PXT1: variants seen among roughly 807,000 people sequenced by gnomAD.
The protein encoded by PXT1 is peroxisomal testis enriched protein 1, also known as peroxisomal testis-specific protein 1.
PXT1 carries 11 observed loss-of-function variants against 11.0 expected under a neutral mutation model. The observed-to-expected ratio is 1.00, with a 90% CI of 0.63 to 1.66. PXT1 has a LOEUF of 1.66. PXT1 is among the 40% of genes most tolerant of loss of function. PXT1 has a pLI of 0.00. For synonymous variants in PXT1, 43 were observed against 51.4 expected (o/e 0.84, Z 0.70); for missense variants, 141 against 155.5 (o/e 0.91, Z 0.49).
At chr6:36,409,788 T>C (rs1053649388) in intron 3 of PXT1, among the ~76,000 whole-genome samples, 1 of 145,628 alleles carries the variant, frequency 6.9e-6, no homozygotes, top group Non-Finnish European at 1.5e-5. Flanking sequence ...ATTGTTCCAC[T>C]GTACTCCAGC....
chr6:36,418,206 A>AG (rs1406973880), intron 3 of PXT1, among the ~76,000 whole-genome samples: 1 of 152,192 alleles, frequency 6.6e-6, no homozygotes, highest in Non-Finnish European at 1.5e-5. Context: ...AAAAAAAAAA[A>AG]AAAGTAAATT....
intron 3 of PXT1, among the ~76,000 whole-genome samples, chr6:36,412,794 C>T (rs1319527781): frequency 2.0e-5 from 3 of 151,216 alleles, no homozygotes; most frequent in Non-Finnish European, 4.4e-5. Flanking sequence ...ATATTACATT[C>T]ATAAAACAAA....
intron 3 of PXT1, among the ~76,000 whole-genome samples, chr6:36,408,443 G>A (rs1774320644): frequency 6.7e-6 from 1 of 150,364 alleles, no homozygotes; most frequent in South Asian, 2.1e-4. Context: ...TTTATTTTTT[G>A]TAGAGACAGT....
intron 4 of PXT1, among the ~76,000 whole-genome samples, chr6:36,394,880 C>T (rs184436008): frequency 1.2e-4 from 19 of 152,160 alleles, no homozygotes; most frequent in South Asian, 2.1e-4. Flanking sequence ...TAGCTCACTA[C>T]GGCCTCGAAT....
intron 3 of PXT1, among the ~76,000 whole-genome samples, chr6:36,421,763 C>T (rs1275361915): frequency 1.3e-5 from 2 of 152,196 alleles, no homozygotes; most frequent in Non-Finnish European, 2.9e-5. Flanking sequence ...AGCCGCTGCA[C>T]TAGCTTAGTT....
At chr6:36,401,482 G>T (rs1479514281) in intron 3 of PXT1, among the ~76,000 whole-genome samples, 1 of 151,936 alleles carries the variant, frequency 6.6e-6, no homozygotes, top group Non-Finnish European at 1.5e-5. Context: ...AAGTGTGGTG[G>T]CTCACACCTG....
chr6:36,412,085 C>T (rs1774383237), intron 3 of PXT1, among the ~76,000 whole-genome samples: 1 of 152,172 alleles, frequency 6.6e-6, no homozygotes, highest in Non-Finnish European at 1.5e-5. Context: ...GGCGCGGTGG[C>T]TCATGCCTGT....
intron 3 of PXT1, among the ~76,000 whole-genome samples, chr6:36,403,540 CAGT>C (rs1267671226): frequency 2.0e-5 from 3 of 151,942 alleles, no homozygotes; most frequent in Non-Finnish European, 4.4e-5. Context: ...CAGAGGAGGC[CAGT>C]AGAAAAGGAA....
At chr6:36,406,029 C>T (rs1202425064) in intron 3 of PXT1, among the ~76,000 whole-genome samples, 10 of 152,168 alleles carry the variant, frequency 6.6e-5, no homozygotes, top group Admixed American at 5.9e-4. Flanking sequence ...CCATCATTGA[C>T]ACATGACTAG....
At chr6:36,442,290 A>G (rs2127420815) in intron 1 of PXT1, among the ~76,000 whole-genome samples, 1 of 152,236 alleles carries the variant, frequency 6.6e-6, no homozygotes, top group Admixed American at 6.5e-5. Context: ...CGGCCTCCCA[A>G]AGTGCAAGGA....
intron 4 of PXT1, among the ~76,000 whole-genome samples, chr6:36,397,581 G>A (rs60729863): frequency 0.014 from 2,059 of 152,278 alleles, 41 homozygotes; most frequent in African/African-American, 0.045. Context: ...AAACATAAGT[G>A]TGACACCCAA....
chr6:36,401,024 C>T (rs946029807), intron 3 of PXT1, among the ~76,000 whole-genome samples: 1 of 151,678 alleles, frequency 6.6e-6, no homozygotes, highest in East Asian at 1.9e-4. Context: ...AAAAGCAAAG[C>T]CTATCTATTG....
chr6:36,413,482 T>C (rs1774404904), intron 3 of PXT1, among the ~76,000 whole-genome samples: 1 of 151,766 alleles, frequency 6.6e-6, no homozygotes, highest in Non-Finnish European at 1.5e-5. Flanking sequence ...AAATAAAAAC[T>C]TCACCCTTTG....
At position 36,400,549 on chromosome 6, in the gene PXT1, T is replaced by G; in HGVS notation, c.205A>C (p.Ile69Leu). ...TCCTCCTGGTGATGCTTCTGAACAA[T>G]GCTATGCTCCTTGGGCTGAGAAAGT... ...NLLSQPKEHS[I>L]VQKHHQEEII... Residue 69 changes from isoleucine (I) to leucine (L), a missense_variant, in exon 4 of 5, where the codon ATT becomes CTT. Ile to Leu is a conservative substitution (Grantham distance 5). Coordinates refer to ENST00000454782, the MANE Select transcript of PXT1 (RefSeq NM_152990.4). 2.5e-6 allele frequency: 4 copies of G among 1,613,888 alleles called. No individual in the cohort carries two copies. Among genetic ancestry groups the G allele is most frequent in the East Asian group, 2.2e-5 (1 of 44,874 alleles).
At chr6:36,392,092 C>T in intron 4 of PXT1, 1 of 463,592 alleles carries the variant, frequency 2.2e-6, no homozygotes, top group Non-Finnish European at 3.8e-6. Flanking sequence ...TCCTATCTGA[C>T]CGTCTTTCCC....
intron 1 of PXT1, among the ~76,000 whole-genome samples, chr6:36,441,700 A>T (rs2127420536): frequency 6.6e-6 from 1 of 152,370 alleles, no homozygotes; most frequent in South Asian, 2.1e-4. Context: ...ACAGTCCTGC[A>T]TACTTTATAG....
At chr6:36,409,933 G>A (rs540473122) in intron 3 of PXT1, among the ~76,000 whole-genome samples, 8 of 97,016 alleles carry the variant, frequency 8.2e-5, no homozygotes, top group South Asian at 2.9e-4. Flanking sequence ...AAGAAAGGAC[G>A]AAGGAAAGAA....
intron 3 of PXT1, among the ~76,000 whole-genome samples, chr6:36,425,117 C>G (rs1040752714): frequency 3.3e-5 from 5 of 152,164 alleles, no homozygotes; most frequent in African/African-American, 9.7e-5. Context: ...TAATGCTCTT[C>G]AAAACATAAA....
chr6:36,421,152 T>C (rs57921992), intron 3 of PXT1, among the ~76,000 whole-genome samples: 2 of 150,222 alleles, frequency 1.3e-5, no homozygotes, highest in Admixed American at 1.3e-4. Context: ...GGGGCAAAAT[T>C]AAAAAACAAC....
Sources: gnomAD v4.1 joint callset for allele counts (sites outside exome capture counted in the v4.1 genomes callset) on GRCh38, gnomAD v4.1.1 for gene constraint, MANE v1.5 for transcripts, NCBI Gene and HGNC (gene_info 2026-07-23, HGNC 2026-07-21) for gene names.